NETO1: variants seen among roughly 807,000 people sequenced by gnomAD.
The protein encoded by NETO1 is neuropilin and tolloid-like protein 1.
In NETO1, 26 loss-of-function variants were observed where a neutral mutation model predicts 61.3. The ratio of observed to expected loss-of-function variants is 0.42; its 90% CI spans 0.31 to 0.59. The LOEUF (loss-of-function observed/expected upper bound fraction) is 0.59, where lower values mean the gene tolerates loss of function less well. Among genes scored for constraint, NETO1 ranks in the 20% least tolerant of loss-of-function variants. The pLI, the probability that NETO1 is intolerant of heterozygous loss-of-function variation, is 0.12. For missense variants in NETO1, 531 were observed against 662.8 expected (o/e 0.80, Z 2.18); for synonymous variants, 225 against 225.8 (o/e 1.00, Z 0.03).
chr18:72,842,823 G>GTATAGCACACCTCATAGA, intron 4 of NETO1, among the ~76,000 whole-genome samples: 1 of 152,062 alleles, frequency 6.6e-6, no homozygotes, highest in South Asian at 2.1e-4. Flanking sequence ...CACCTCATAG[G>GTATAGCACACCTCATAGA]TATAGCATAC....
Position 72,830,633 on chromosome 18 carries a change from C to G in NETO1, c.469+28193G>C, listed in dbSNP as rs940731439. Among the ~76,000 whole-genome samples the G allele has an allele frequency of 2.8e-4, 43 of 152,086 alleles. No homozygotes were observed. Among genetic ancestry groups the G allele is most frequent in the African/African-American group, 9.4e-4 (39 of 41,410 alleles). ...GATGTGGTGGGGAGGGGATGGATTT[C>G]TCCAGGTTACAGGCAAAGCATATGA... On this transcript the variant is annotated intron_variant, in intron 4 of 10. Coordinates refer to ENST00000327305, the MANE Select transcript of NETO1 (RefSeq NM_138966.5). The surrounding 1 kb of genome is among the most constrained non-coding windows in gnomAD (Gnocchi z 4.9).
chr18:72,816,054 T>C (rs2073023468), intron 4 of NETO1, among the ~76,000 whole-genome samples: 1 of 150,656 alleles, frequency 6.6e-6, no homozygotes, highest in Admixed American at 6.6e-5. Context: ...AGGATCGATC[T>C]CTCTCTCTCT....
chr18:72,816,047 A>T (rs900199796), intron 4 of NETO1, among the ~76,000 whole-genome samples: 1 of 151,740 alleles, frequency 6.6e-6, no homozygotes, highest in Non-Finnish European at 1.5e-5. Flanking sequence ...CAGAATTAGG[A>T]TCGATCTCTC....
At chr18:72,750,913 A>AC (rs61569037) in intron 8 of NETO1, among the ~76,000 whole-genome samples, 3 of 119,786 alleles carry the variant, frequency 2.5e-5, no homozygotes, top group Non-Finnish European at 3.5e-5. Flanking sequence ...ACACACACAC[A>AC]ATCCTCTATC....
chr18:72,824,536 T>A (rs1488138736), intron 4 of NETO1, among the ~76,000 whole-genome samples: 1 of 152,192 alleles, frequency 6.6e-6, no homozygotes. Context: ...TTTATTTCAT[T>A]ACTTGAGACT....
rs937112416 is a variant in NETO1 at position 72,751,193 on chromosome 18, C to G, written c.983-573G>C. On this transcript the variant is annotated intron_variant, in intron 8 of 10. Transcript: ENST00000327305. ...TCTTTCCCAAATGAAATAATCACAA[C>G]TGGTAGAAAATTATTTTAAAAACTC... Among the ~76,000 whole-genome samples, 10 of 152,186 alleles carry G rather than the reference C, an allele frequency of 6.6e-5. No homozygotes were observed. In the South Asian group the frequency reaches 1.9e-3, roughly 28 times the overall value.
At chr18:72,857,765 T>G (rs1381898759) in intron 4 of NETO1, among the ~76,000 whole-genome samples, 1 of 152,156 alleles carries the variant, frequency 6.6e-6, no homozygotes, top group Non-Finnish European at 1.5e-5. Flanking sequence ...AAAGCATAAT[T>G]AAAACCACAA....
chr18:72,863,905 C>T (rs937701509), intron 3 of NETO1, among the ~76,000 whole-genome samples: 1 of 152,098 alleles, frequency 6.6e-6, no homozygotes, highest in Non-Finnish European at 1.5e-5. Context: ...AATGCTTCTA[C>T]ATTTTAAACG....
At chr18:72,788,082 G>A (rs2071982885) in intron 6 of NETO1, among the ~76,000 whole-genome samples, 1 of 151,990 alleles carries the variant, frequency 6.6e-6, no homozygotes, top group South Asian at 2.1e-4. Context: ...TTTGCATATT[G>A]GCCCTATATT....
chr18:72,864,991 T>C, intron 2 of NETO1, 46 bp from the exon 3 acceptor site: 1 of 1,561,656 alleles, frequency 6.4e-7, no homozygotes, highest in African/African-American at 1.4e-5. Context: ...TCATCCAATT[T>C]TCTATTGTAC....
In NETO1 at chr18:72,858,985, G is replaced by A. The variant is rs751414283; in HGVS notation, c.310C>T (p.Arg104Ter). 4.3e-6 allele frequency: 7 copies of A among 1,613,730 alleles called. No homozygotes were observed. Among genetic ancestry groups the A allele is most frequent in the South Asian group, 2.2e-5 (2 of 91,036 alleles). The change falls in exon 4 of 11, where the codon CGA (arginine) becomes TGA (stop). Residue 104 changes from arginine to a stop codon, truncating the protein, a stop_gained. Coordinates refer to ENST00000327305, the MANE Select transcript of NETO1 (RefSeq NM_138966.5). LOFTEE classifies it high-confidence loss of function. ...WECKFDHIEV[R>*]DGPFGFSPII... ...GGAGAAAAGCCAAAAGGTCCATCTC[G>A]AACTTCAATATGATCAAATTTGCAC... is the stretch of plus-strand genomic sequence containing the variant.
At chr18:72,777,837 A>G (rs886093411) in intron 7 of NETO1, among the ~76,000 whole-genome samples, 9 of 152,158 alleles carry the variant, frequency 5.9e-5, no homozygotes, top group African/African-American at 1.7e-4. Context: ...CTTTTCTGGG[A>G]ACAGCCACAG....
chr18:72,806,289 G>A (rs2072672497), intron 4 of NETO1, among the ~76,000 whole-genome samples: 2 of 152,138 alleles, frequency 1.3e-5, no homozygotes, highest in South Asian at 4.1e-4. Context: ...CAGGGACAAT[G>A]TTTAGTTTTC....
chr18:72,865,718 T>C, intron 1 of NETO1: 6 of 1,522,778 alleles, frequency 3.9e-6, no homozygotes, highest in South Asian at 1.2e-5. Context: ...AAATAAATAC[T>C]TAGACAAATC....
At chr18:72,866,047 T>C (rs2074723134) in intron 1 of NETO1, among the ~76,000 whole-genome samples, 1 of 152,196 alleles carries the variant, frequency 6.6e-6, no homozygotes, top group Non-Finnish European at 1.5e-5. Flanking sequence ...CTAAACTTGT[T>C]TTACTTCCGT....
At chr18:72,809,690 T>C (rs1208175530) in intron 4 of NETO1, among the ~76,000 whole-genome samples, 3 of 152,276 alleles carry the variant, frequency 2.0e-5, no homozygotes, top group Non-Finnish European at 4.4e-5. Context: ...ACTGTTGTTG[T>C]AGCCTCATTG....
rs2074781857 is a variant in NETO1, at chr18:72,867,618, T to G, written c.-327A>C. 9.8e-6 allele frequency: 2 copies of G among 203,562 alleles called. No individual in the cohort carries two copies. Among genetic ancestry groups the G allele is most frequent in the Non-Finnish European group, 9.7e-6 (1 of 102,954 alleles). The allele number at this position is 203,562 out of a possible 1,614,324, so 12.6% of individuals were successfully genotyped here. On this transcript the variant is annotated 5_prime_UTR_variant, in exon 1 of 11. Coordinates refer to ENST00000327305, the MANE Select transcript of NETO1 (RefSeq NM_138966.5). Reference sequence around the variant, plus strand: ...ATCCGCGCCGCCGCCGTCAGGACCCTCCTCCCGGGCATCGTCGCCGCCGCG... The same window carrying G: ...ATCCGCGCCGCCGCCGTCAGGACCCGCCTCCCGGGCATCGTCGCCGCCGCG...
chr18:72,816,010 G>C (rs1431897514), intron 4 of NETO1, among the ~76,000 whole-genome samples: 1 of 152,048 alleles, frequency 6.6e-6, no homozygotes, highest in Non-Finnish European at 1.5e-5. Flanking sequence ...GGTACATATA[G>C]AGATCAACAT....
At chr18:72,816,803 T>TC (rs112641883) in intron 4 of NETO1, among the ~76,000 whole-genome samples, 2,915 of 152,252 alleles carry the variant, frequency 0.019, 104 homozygotes, top group African/African-American at 0.065. Context: ...CCTTTTTAGT[T>TC]CTCAAGTCTG....
Sources: gnomAD v4.1 joint callset for allele counts (sites outside exome capture counted in the v4.1 genomes callset) on GRCh38, gnomAD v4.1.1 for gene constraint, Gnocchi (gnomAD v3.1) non-coding constraint, MANE v1.5 for transcripts, NCBI Gene and HGNC (gene_info 2026-07-23, HGNC 2026-07-21) for gene names.